TRIM44: variants seen among roughly 807,000 people sequenced by gnomAD.
TRIM44 encodes tripartite motif-containing protein 44.
Under a neutral mutation model 37.4 loss-of-function variants are expected in TRIM44, and 13 were observed. That is an observed-to-expected ratio of 0.35 (90% CI 0.23 to 0.55). The LOEUF is 0.55. Ranked by LOEUF, TRIM44 falls within the 20% of genes least tolerant of loss-of-function variation. The pLI, the probability that TRIM44 is intolerant of heterozygous loss-of-function variation, is 0.89. For synonymous variants in TRIM44, 175 were observed against 157.2 expected, an observed-to-expected ratio of 1.11 and a Z score of -0.85; for missense variants, 426 against 437.2, an observed-to-expected ratio of 0.97 and a Z score of 0.23.
At chr11:35,782,000 T>G (rs1238065000) in intron 4 of TRIM44, among the ~76,000 whole-genome samples, 2 of 152,212 alleles carry the variant, frequency 1.3e-5, no homozygotes, top group African/African-American at 4.8e-5. Context: ...AAATCGTTAA[T>G]GAGTTATCTA....
rs1470363785 is a variant in TRIM44, at chr11:35,792,117, T to A, written c.1008-14241T>A. Among the ~76,000 whole-genome samples the A allele has an allele frequency of 3.0e-3, 270 of 89,960 alleles. 4 individuals carry two copies. The highest frequency in any genetic ancestry group is 0.011 in the African/African-American group (260 of 23,810). The allele number at this position is 89,960 out of a possible 152,430, so 59.0% of individuals were successfully genotyped here. On this transcript the variant is annotated intron_variant, in intron 4 of 4. Coordinates refer to ENST00000299413, the MANE Select transcript of TRIM44 (RefSeq NM_017583.6). ...CACACACACACACACACACACTCTCTCTCATCATTCTCTATTCCAGCATCC... is the reference window on the plus strand; with the variant it reads ...CACACACACACACACACACACTCTCACTCATCATTCTCTATTCCAGCATCC...
intron 1 of TRIM44, among the ~76,000 whole-genome samples, chr11:35,664,097 A>G (rs1851307436): frequency 6.6e-6 from 1 of 152,194 alleles, no homozygotes; most frequent in South Asian, 2.1e-4. Context: ...TTTCCACAGC[A>G]TCACTATTGT....
At chr11:35,704,389 C>G (rs939163721) in intron 2 of TRIM44, among the ~76,000 whole-genome samples, 1 of 152,166 alleles carries the variant, frequency 6.6e-6, no homozygotes, top group Non-Finnish European at 1.5e-5. Context: ...GGCCAACATT[C>G]AGATTCAGGA....
At chr11:35,803,676 G>A (rs530808392) in intron 4 of TRIM44, among the ~76,000 whole-genome samples, 9 of 152,254 alleles carry the variant, frequency 5.9e-5, no homozygotes, top group African/African-American at 1.4e-4. Flanking sequence ...AGCGAAGATC[G>A]CACTGATGCA....
rs1214177324 is a variant in TRIM44, at chr11:35,817,363, G to A, written c.*10978G>A. Reference sequence around the variant, plus strand: ...AGTTGTGTGGCATTTGGCACATCATGTTCTCTCTCTACATGCGCCTAAAAT... The same window carrying A: ...AGTTGTGTGGCATTTGGCACATCATATTCTCTCTCTACATGCGCCTAAAAT... On this transcript the variant is annotated 3_prime_UTR_variant, in exon 5 of 5. Transcript: ENST00000299413. The A allele has an allele frequency of 2.6e-5, 4 of 152,180 alleles. No individual in the cohort carries two copies. Among genetic ancestry groups the A allele is most frequent in the Non-Finnish European group, 5.9e-5 (4 of 68,046 alleles). The allele number at this position is 152,180 out of a possible 1,614,324, so 9.4% of individuals were successfully genotyped here. A position where few individuals can be genotyped will look rare whatever the true frequency, so the allele number is the denominator to read the frequency against.
chr11:35,674,235 C>CATGTGT (rs1554924870), intron 1 of TRIM44, among the ~76,000 whole-genome samples: 7 of 149,880 alleles, frequency 4.7e-5, no homozygotes, highest in African/African-American at 1.5e-4. Flanking sequence ...AGAGAATTTG[C>CATGTGT]GTGTGTGTGT....
chr11:35,817,882 T>A lies in TRIM44; in HGVS notation c.*11497T>A, dbSNP rs1731736050. The stretch of plus-strand genomic sequence containing the variant: ...TGCTCTGGCCATGTAAAGTGCTCAC[T>A]CCCCCTTTGCCTTCCACCATGATTG... On this transcript the variant is annotated 3_prime_UTR_variant, in exon 5 of 5. Coordinates refer to ENST00000299413, the MANE Select transcript of TRIM44 (RefSeq NM_017583.6). The A allele has an allele frequency of 6.6e-6, 1 of 152,150 alleles. No homozygotes were observed. Among genetic ancestry groups the A allele is most frequent in the Admixed American group, 6.5e-5 (1 of 15,268 alleles). The allele number at this position is 152,150 out of a possible 1,614,324, so 9.4% of individuals were successfully genotyped here. A position where few individuals can be genotyped will look rare whatever the true frequency, so the allele number is the denominator to read the frequency against.
At chr11:35,798,633 A>G (rs964481499) in intron 4 of TRIM44, among the ~76,000 whole-genome samples, 2 of 152,230 alleles carry the variant, frequency 1.3e-5, no homozygotes, top group South Asian at 2.1e-4. Context: ...TTCATCCACA[A>G]TGATGTGTGT....
Position 35,663,017 on chromosome 11 carries a change from GA to G in TRIM44, c.-93del. 1 of 1,432,938 alleles carries G rather than the reference GA, an allele frequency of 7.0e-7. No individual in the cohort carries two copies. The highest frequency in any genetic ancestry group is 9.1e-7 in the Non-Finnish European group (1 of 1,099,250). The allele number at this position is 1,432,938 out of a possible 1,614,324, so 88.8% of individuals were successfully genotyped here. On this transcript the variant is annotated 5_prime_UTR_variant, in exon 1 of 5. Coordinates refer to ENST00000299413, the MANE Select transcript of TRIM44 (RefSeq NM_017583.6). ...GTCCAGGCGGGAGGCGACTCCCTAG[GA>G]AGGGACCCGGGGCGGGAGGAGGAAG...
Position 35,665,584 on chromosome 11 carries a change from C to G in TRIM44, c.669+1804C>G, listed in dbSNP as rs78476224. Among the ~76,000 whole-genome samples, 63 of 81,744 alleles carry G rather than the reference C, an allele frequency of 7.7e-4. 3 individuals are homozygous for G. The highest frequency in any genetic ancestry group is 9.4e-4 in the Non-Finnish European group (34 of 36,240). 53.6% of individuals were successfully genotyped at this position (81,744 alleles called of 152,430 possible). A position where few individuals can be genotyped will look rare whatever the true frequency, so the allele number is the denominator to read the frequency against. On this transcript the variant is annotated intron_variant, in intron 1 of 4. Transcript: ENST00000299413. ...TCTCATTATATGAGTTTTTATATAT[C>G]TGTTTTTTTTTTTTTTTTTTTTTTT...
At chr11:35,736,337 T>G (rs557141274) in intron 4 of TRIM44, among the ~76,000 whole-genome samples, 8 of 152,324 alleles carry the variant, frequency 5.3e-5, no homozygotes, top group Admixed American at 3.9e-4. Context: ...TCATTGAACT[T>G]TCTCTATTCT....
chr11:35,803,272 TAAA>T (rs35125638), intron 4 of TRIM44, among the ~76,000 whole-genome samples: 4 of 142,368 alleles, frequency 2.8e-5, no homozygotes, highest in Non-Finnish European at 3.0e-5. Flanking sequence ...TTAGTTTATT[TAAA>T]AAAAAAAAAA....
At chr11:35,712,272 A>G (rs1851984158) in intron 2 of TRIM44, among the ~76,000 whole-genome samples, 1 of 152,106 alleles carries the variant, frequency 6.6e-6, no homozygotes, top group African/African-American at 2.4e-5. Context: ...TATGAAGCAG[A>G]CTCCCTAGTT....
intron 2 of TRIM44, among the ~76,000 whole-genome samples, chr11:35,688,715 A>G (rs1043225968): frequency 2.0e-5 from 3 of 152,366 alleles, no homozygotes; most frequent in East Asian, 3.9e-4. Flanking sequence ...TTCAGTGTAC[A>G]TGAAAATCAC....
intron 2 of TRIM44, among the ~76,000 whole-genome samples, chr11:35,721,291 T>A (rs1852103421): frequency 1.3e-5 from 2 of 152,206 alleles, no homozygotes; most frequent in Non-Finnish European, 2.9e-5. Flanking sequence ...AAAAATAGTT[T>A]TTAAAAAGTG....
chr11:35,731,689 G>A (rs914326053), intron 3 of TRIM44, among the ~76,000 whole-genome samples: 14 of 151,928 alleles, frequency 9.2e-5, no homozygotes, highest in Non-Finnish European at 1.3e-4. Context: ...TTAAAAATTG[G>A]TGTGTCTTTA....
chr11:35,716,074 G>A (rs1460887500), intron 2 of TRIM44, among the ~76,000 whole-genome samples: 1 of 152,126 alleles, frequency 6.6e-6, no homozygotes, highest in African/African-American at 2.4e-5. Context: ...ATTTGTTTCT[G>A]GGAGTCAAAG....
intron 4 of TRIM44, among the ~76,000 whole-genome samples, chr11:35,774,668 C>T (rs1265648654): frequency 2.6e-5 from 4 of 152,250 alleles, no homozygotes; most frequent in Non-Finnish European, 4.4e-5. Context: ...AGGGATCCAG[C>T]TTCAGCTTCC....
intron 1 of TRIM44, among the ~76,000 whole-genome samples, chr11:35,675,766 C>G (rs1851453708): frequency 6.6e-6 from 1 of 152,044 alleles, no homozygotes; most frequent in Non-Finnish European, 1.5e-5. Flanking sequence ...GTGATCTACC[C>G]ACCTCGGCCT....
Sources: allele counts gnomAD v4.1 joint callset (sites outside exome capture counted in the v4.1 genomes callset), GRCh38; gene constraint gnomAD v4.1.1; transcripts MANE v1.5; gene names NCBI Gene and HGNC (gene_info 2026-07-23, HGNC 2026-07-21).